MECOM: variants seen among roughly 807,000 people sequenced by gnomAD.
The protein encoded by MECOM is MDS1 and EVI1 complex locus.
Under a neutral mutation model 116.3 loss-of-function variants are expected in MECOM, and 13 were observed. The ratio of observed to expected loss-of-function variants is 0.11; its 90% CI spans 0.07 to 0.18. The LOEUF is 0.18. MECOM is among the 10% of genes least tolerant of loss of function. MECOM has a pLI of 1.00. For synonymous variants in MECOM, 528 were observed against 535.2 expected (o/e 0.99, Z 0.19); for missense variants, 1,299 against 1,509.0 (o/e 0.86, Z 2.31).
intron 2 of MECOM, among the ~76,000 whole-genome samples, chr3:169,307,447 G>A (rs1357131823): frequency 6.6e-6 from 1 of 152,132 alleles, no homozygotes; most frequent in East Asian, 1.9e-4. Context: ...GGTGGCATGT[G>A]CCTGTGGTCC....
At chr3:169,654,881 A>C (rs13099619) in intron 1 of MECOM, among the ~76,000 whole-genome samples, 3,100 of 152,136 alleles carry the variant, frequency 0.02, 44 homozygotes, top group Middle Eastern at 0.037. Context: ...AGATCTTAAA[A>C]ACACAAGGTA....
intron 1 of MECOM, among the ~76,000 whole-genome samples, chr3:169,618,883 A>G (rs1200971220): frequency 6.6e-6 from 1 of 152,206 alleles, no homozygotes; most frequent in Non-Finnish European, 1.5e-5. Context: ...CTCAAAGAAG[A>G]TAGTAAAATC....
chr3:169,580,109 AG>A (rs1764947994), intron 1 of MECOM, among the ~76,000 whole-genome samples: 1 of 152,180 alleles, frequency 6.6e-6, no homozygotes, highest in Non-Finnish European at 1.5e-5. Context: ...TTAGTGTGGG[AG>A]GCTTGCCACT....
At chr3:169,274,689 C>T (rs1462340275) in intron 2 of MECOM, among the ~76,000 whole-genome samples, 1 of 152,040 alleles carries the variant, frequency 6.6e-6, no homozygotes, top group African/African-American at 2.4e-5. Flanking sequence ...AGCAACTAGC[C>T]ACATATGACA....
rs187199960 is a variant in MECOM at position 169,301,397 on chromosome 3, T to C, written c.375+79790A>G. Among the ~76,000 whole-genome samples, 770 of 152,324 alleles carry C rather than the reference T, an allele frequency of 5.1e-3. 5 individuals carry two copies. The highest frequency in any genetic ancestry group is 0.01 in the Middle Eastern group (3 of 294). On this transcript the variant is annotated intron_variant, in intron 2 of 16. Coordinates refer to ENST00000651503, the MANE Select transcript of MECOM (RefSeq NM_004991.4). ...CTAGGGAAAGTTGGGAGAAAATATGTCTTTTATTTTTTCTATCATAATGCA... is the reference window on the plus strand; with the variant it reads ...CTAGGGAAAGTTGGGAGAAAATATGCCTTTTATTTTTTCTATCATAATGCA...
intron 1 of MECOM, among the ~76,000 whole-genome samples, chr3:169,636,862 G>A (rs1245796536): frequency 6.6e-6 from 1 of 152,150 alleles, no homozygotes; most frequent in Non-Finnish European, 1.5e-5. Flanking sequence ...AGTCTTGTGT[G>A]AGCAAACCTA....
At chr3:169,428,028 A>T (rs1169470958) in intron 1 of MECOM, among the ~76,000 whole-genome samples, 1 of 152,192 alleles carries the variant, frequency 6.6e-6, no homozygotes, top group Non-Finnish European at 1.5e-5. Context: ...GGGCACAGAG[A>T]AAAGGCCATG....
At chr3:169,574,430 T>C (rs1006686257) in intron 1 of MECOM, among the ~76,000 whole-genome samples, 4 of 152,224 alleles carry the variant, frequency 2.6e-5, no homozygotes, top group Admixed American at 2.6e-4. Context: ...TAAATTAAAA[T>C]GGTGAGATGA....
intron 2 of MECOM, among the ~76,000 whole-genome samples, chr3:169,157,899 T>C (rs979910393): frequency 1.3e-4 from 20 of 152,182 alleles, no homozygotes; most frequent in African/African-American, 4.8e-4. Context: ...TCTCCACATA[T>C]AATCTGGACT....
At chr3:169,198,333 C>T (rs1208303697) in intron 2 of MECOM, among the ~76,000 whole-genome samples, 1 of 151,992 alleles carries the variant, frequency 6.6e-6, no homozygotes, top group African/African-American at 2.4e-5. Context: ...CATTGCTCTC[C>T]CCTTCCCTAG....
At chr3:169,615,693 T>C (rs1191746338) in intron 1 of MECOM, among the ~76,000 whole-genome samples, 7 of 152,228 alleles carry the variant, frequency 4.6e-5, no homozygotes, top group South Asian at 2.1e-4. Flanking sequence ...TCCACTGGCT[T>C]CTTAAAGGAC....
chr3:169,324,054 G>A (rs780351193), intron 2 of MECOM, among the ~76,000 whole-genome samples: 16 of 152,144 alleles, frequency 1.1e-4, no homozygotes, highest in Non-Finnish European at 2.1e-4. Context: ...TTCCTCCATG[G>A]CTTGCAGGAA....
chr3:169,255,012 A>G (rs765488593), intron 2 of MECOM, among the ~76,000 whole-genome samples: 3 of 152,142 alleles, frequency 2.0e-5, no homozygotes, highest in Admixed American at 1.3e-4. Flanking sequence ...AAAGGATCAG[A>G]GATCTACCAA....
At chr3:169,190,581 C>T (rs1245061675) in intron 2 of MECOM, among the ~76,000 whole-genome samples, 1 of 151,940 alleles carries the variant, frequency 6.6e-6, no homozygotes, top group East Asian at 1.9e-4. Flanking sequence ...CAACTGGTAT[C>T]CAGATCATAT....
At chr3:169,449,220 T>G (rs1163367045) in intron 1 of MECOM, among the ~76,000 whole-genome samples, 1 of 152,196 alleles carries the variant, frequency 6.6e-6, no homozygotes, top group Non-Finnish European at 1.5e-5. Flanking sequence ...TACTAAGCAA[T>G]GCATATGATA....
chr3:169,116,189 G>T lies in MECOM; in HGVS notation c.1683C>A (p.Pro561=). The T allele has an allele frequency of 6.2e-7, 1 of 1,614,098 alleles. No homozygotes were observed. Among genetic ancestry groups the T allele is most frequent in the South Asian group, 1.1e-5 (1 of 91,076 alleles). The change falls in exon 8 of 17, where the codon CCC becomes CCA. Residue 561 remains proline, a synonymous_variant. Transcript: ENST00000651503. ...VGDNKPVELQ[P]ERSSEERPFE... ...AGGGCCTCTCTTCAGAGGACCTCTC[G>T]GGCTGGAGCTCCACTGGCTTATTGT...
intron 2 of MECOM, among the ~76,000 whole-genome samples, chr3:169,346,829 G>C (rs964985216): frequency 1.3e-5 from 2 of 151,960 alleles, no homozygotes; most frequent in Non-Finnish European, 2.9e-5. Context: ...TTCCATGGTT[G>C]GTTAGCACAG....
At chr3:169,500,035 G>C (rs938293897) in intron 1 of MECOM, among the ~76,000 whole-genome samples, 2 of 151,910 alleles carry the variant, frequency 1.3e-5, no homozygotes, top group Non-Finnish European at 2.9e-5. Flanking sequence ...AAATTTCCCA[G>C]ACAGCACTAT....
chr3:169,175,323 C>T (rs1417955181), intron 2 of MECOM, among the ~76,000 whole-genome samples: 1 of 152,108 alleles, frequency 6.6e-6, no homozygotes, highest in Admixed American at 6.6e-5. Flanking sequence ...GCCTATATGA[C>T]ACCACAGATT....
Sources: allele counts gnomAD v4.1 joint callset (sites outside exome capture counted in the v4.1 genomes callset), GRCh38; gene constraint gnomAD v4.1.1; transcripts MANE v1.5; gene names NCBI Gene and HGNC (gene_info 2026-07-23, HGNC 2026-07-21).